ZNF34: variants seen among roughly 807,000 people sequenced by gnomAD.
ZNF34 encodes the protein zinc finger protein 34.
A neutral mutation model predicts 14.4 loss-of-function variants in ZNF34; 8 were observed. That is an observed-to-expected ratio of 0.55 (90% CI 0.33 to 1.00). ZNF34 has a LOEUF of 1.00. Among genes scored for constraint, ZNF34 ranks in the 50% least tolerant of loss-of-function variants. ZNF34 has a pLI of 0.03. For synonymous variants in ZNF34, 235 were observed against 247.9 expected, an observed-to-expected ratio of 0.95 and a Z score of 0.49; for missense variants, 538 against 674.2, an observed-to-expected ratio of 0.80 and a Z score of 2.24.
chr8:144,775,681 G>A (rs1825467890), intron 5 of ZNF34, among the ~76,000 whole-genome samples: 1 of 152,240 alleles, frequency 6.6e-6, no homozygotes, highest in East Asian at 1.9e-4. Context: ...CCTGTGGGGA[G>A]CAGTGGGAAA....
At chr8:144,780,971 GA>G (rs1168219694) in intron 1 of ZNF34, among the ~76,000 whole-genome samples, 1 of 143,244 alleles carries the variant, frequency 7.0e-6, no homozygotes, top group Admixed American at 7.1e-5. Context: ...TGTCTCTACC[GA>G]AAATACAAAA....
chr8:144,781,222 C>T (rs1042368634), intron 1 of ZNF34, among the ~76,000 whole-genome samples: 1 of 151,386 alleles, frequency 6.6e-6, no homozygotes, highest in African/African-American at 2.4e-5. Flanking sequence ...GTAATAATTA[C>T]AAACAGTATG....
In ZNF34 at chr8:144,774,497, G is replaced by C; in HGVS notation, c.389C>G (p.Ser130Ter). 1 of 1,613,952 alleles carries C rather than the reference G, an allele frequency of 6.2e-7. No individual in the cohort carries two copies. Among genetic ancestry groups the C allele is most frequent in the Non-Finnish European group, 8.5e-7 (1 of 1,179,884 alleles). Residue 130 changes from serine (S) to a stop codon, truncating the protein, a stop_gained, in exon 6 of 6, where the codon TCA becomes TGA. Transcript: ENST00000429371. LOFTEE classifies it low-confidence loss of function (END_TRUNC). ...PVEACDHISK[S>*]EGSLEKLVEQ... ...CACTAGCTTTTCCAGGCTCCCCTCT[G>C]ACTTACTGATGTGGTCACAGGCTTC...
At chr8:144,780,328 C>A in intron 1 of ZNF34, 48 bp from the exon 2 acceptor site, 1 of 1,354,130 alleles carries the variant, frequency 7.4e-7, no homozygotes, top group African/African-American at 1.4e-5. Context: ...AATATTAGAT[C>A]AAACACTAGT....
At chr8:144,782,699 T>C (rs774944695) in intron 1 of ZNF34, among the ~76,000 whole-genome samples, 34 of 150,638 alleles carry the variant, frequency 2.3e-4, no homozygotes, top group Non-Finnish European at 4.3e-4. Flanking sequence ...TAGCCAGGCA[T>C]GGTGGCATGT....
At chr8:144,778,287 G>A in intron 3 of ZNF34, 123 bp from the exon 4 acceptor site, 2 of 1,442,274 alleles carry the variant, frequency 1.4e-6, no homozygotes, top group South Asian at 2.7e-5. Context: ...CTGCCACCGA[G>A]CCAGCTAATA....
chr8:144,778,889 C>G (rs1456084130), intron 2 of ZNF34, among the ~76,000 whole-genome samples: 1 of 152,114 alleles, frequency 6.6e-6, no homozygotes, highest in African/African-American at 2.4e-5. Context: ...CGCACCACCA[C>G]TGTTGGTGGA....
At chr8:144,775,683 A>G (rs1825468142) in intron 5 of ZNF34, among the ~76,000 whole-genome samples, 1 of 152,238 alleles carries the variant, frequency 6.6e-6, no homozygotes, top group African/African-American at 2.4e-5. Context: ...TGTGGGGAGC[A>G]GTGGGAAATG....
At chr8:144,786,944 G>A (rs1038839165) in intron 1 of ZNF34, among the ~76,000 whole-genome samples, 2 of 152,074 alleles carry the variant, frequency 1.3e-5, no homozygotes, top group African/African-American at 2.4e-5. Flanking sequence ...TCGGGCCGCT[G>A]GGACCAAGGG....
rs1230144146 is a variant in ZNF34 at position 144,777,973 on chromosome 8, CA to C, written c.160+64del. The stretch of plus-strand genomic sequence containing the variant: ...TGCCCAGGGGGTGAGGCCCCTAGCC[CA>C]GCCTCTGCTGAGCCCTTAGCCCCCA... On this transcript the variant is annotated intron_variant, in intron 4 of 5. Transcript: ENST00000429371. This position sits in a 1 kb window ranked among gnomAD's most constrained non-coding sequence, Gnocchi z 4.8. 6.3e-7 allele frequency: 1 copy of C among 1,594,832 alleles called. No homozygotes were observed. Among genetic ancestry groups the C allele is most frequent in the Admixed American group, 1.8e-5 (1 of 56,076 alleles).
At position 144,777,568 on chromosome 8, in the gene ZNF34, G is replaced by A; in HGVS notation, c.170C>T (p.Pro57Leu). 1.3e-6 allele frequency: 2 copies of A among 1,552,028 alleles called. No individual in the cohort carries two copies. Among genetic ancestry groups the A allele is most frequent in the Non-Finnish European group, 1.7e-6 (2 of 1,147,232 alleles). ...GATCACTCCAGGCTTGGGGCCTGCAGGTCCTACTCCTGGGAAGGAGACAGG... is the reference window on the plus strand; with the variant it reads ...GATCACTCCAGGCTTGGGGCCTGCAAGTCCTACTCCTGGGAAGGAGACAGG... ...YGNLVSLGVGPAGPKPGVISQ... is the reference protein window; with the variant it reads ...YGNLVSLGVGLAGPKPGVISQ... The change falls in exon 5 of 6, where the codon CCT becomes CTT. Residue 57 changes from proline (P) to leucine (L), a missense_variant. Pro to Leu is a moderately conservative substitution (Grantham distance 98). Transcript: ENST00000429371. This position sits in a 1 kb window ranked among gnomAD's most constrained non-coding sequence, Gnocchi z 4.8.
intron 1 of ZNF34, among the ~76,000 whole-genome samples, chr8:144,785,106 C>CAAAAAAAAAAAAAAAAAAAAAA (rs749277788): frequency 2.0e-5 from 1 of 50,072 alleles, no homozygotes; most frequent in African/African-American, 7.6e-5. Context: ...CAGACCCTGC[C>CAAAAAAAAAAAAAAAAAAAAAA]AAAAAAAAAA....
In ZNF34 at chr8:144,774,431, T is replaced by TC. The variant is rs34563268; in HGVS notation, c.454dup (p.Glu152GlyfsTer19). On this transcript the variant is annotated frameshift_variant, in exon 6 of 6. Coordinates refer to ENST00000429371, the MANE Select transcript of ZNF34 (RefSeq NM_001286769.2). LOFTEE classifies it low-confidence loss of function (END_TRUNC). ...GTTTCCCCCAGACTCCCTGCTGCTC[T>TC]CCCCGTTGGTCAGTGTGACTGCCCT... 1.2e-6 allele frequency: 2 copies of TC among 1,613,978 alleles called. No homozygotes were observed. The highest frequency in any genetic ancestry group is 1.7e-6 in the Non-Finnish European group (2 of 1,179,888).
chr8:144,780,713 C>T (rs1011706918), intron 1 of ZNF34, among the ~76,000 whole-genome samples: 13 of 151,154 alleles, frequency 8.6e-5, no homozygotes, highest in Admixed American at 3.3e-4. Flanking sequence ...CGCTTGAACC[C>T]GGGAGGCGGA....
At position 144,778,032 on chromosome 8, in the gene ZNF34, C is replaced by T. The variant is rs1036618593; in HGVS notation, c.160+6G>A. 1.9e-6 allele frequency: 3 copies of T among 1,613,692 alleles called. No homozygotes were observed. The highest frequency in any genetic ancestry group is 1.3e-5 in the African/African-American group (1 of 74,914). Reference sequence around the variant, plus strand: ...TCCCAGAGCTGAGTTCTGGTGAGGGCCTTACCCAGTGAGACTAGGTTCCCG... The same window carrying T: ...TCCCAGAGCTGAGTTCTGGTGAGGGTCTTACCCAGTGAGACTAGGTTCCCG... On this transcript the variant is annotated splice_donor_region_variant and intron_variant, in intron 4 of 5. Transcript: ENST00000429371.
intron 5 of ZNF34, among the ~76,000 whole-genome samples, chr8:144,775,283 G>A (rs1825434611): frequency 6.6e-6 from 1 of 152,224 alleles, no homozygotes; most frequent in Non-Finnish European, 1.5e-5. Flanking sequence ...TACTACAGGA[G>A]CCTATGCTGG....
chr8:144,780,398 T>A, intron 1 of ZNF34, 118 bp from the exon 2 acceptor site: 1 of 774,654 alleles, frequency 1.3e-6, no homozygotes, highest in Non-Finnish European at 2.1e-6. Context: ...TTTATTTAAG[T>A]ATATTTTTAT....
chr8:144,776,810 G>A (rs983328661), intron 5 of ZNF34, among the ~76,000 whole-genome samples: 1 of 151,170 alleles, frequency 6.6e-6, no homozygotes, highest in African/African-American at 2.4e-5. Context: ...TACTCGGGAG[G>A]CTGAGATGGG....
chr8:144,783,025 G>A (rs1401510964), intron 1 of ZNF34, among the ~76,000 whole-genome samples: 1 of 151,784 alleles, frequency 6.6e-6, no homozygotes, highest in East Asian at 1.9e-4. Context: ...AAGGCCAGGT[G>A]TGGTTGGCTC....
Sources: allele counts gnomAD v4.1 joint callset (sites outside exome capture counted in the v4.1 genomes callset), GRCh38; gene constraint gnomAD v4.1.1; non-coding constraint Gnocchi (gnomAD v3.1); transcripts MANE v1.5; gene names NCBI Gene and HGNC (gene_info 2026-07-23, HGNC 2026-07-21).